Variants in LRBA observed in about 807,000 individuals in gnomAD.
LRBA encodes the protein LPS responsive beige-like anchor protein, also known as lipopolysaccharide-responsive and beige-like anchor protein.
A neutral mutation model predicts 330.0 loss-of-function variants in LRBA; 176 were observed. The ratio of observed to expected loss-of-function variants is 0.53; its 90% CI spans 0.47 to 0.60. LRBA has a LOEUF of 0.60. LRBA is among the 20% of genes least tolerant of loss of function. The pLI is 0.00. For synonymous variants in LRBA, 1,230 were observed against 1,193.0 expected (o/e 1.03, Z -0.64); for missense variants, 3,259 against 3,444.8 (o/e 0.95, Z 1.35).
At position 150,948,297 on chromosome 4, in the gene LRBA, A is replaced by G. The variant is rs551450476; in HGVS notation, c.217-19232T>C. 2.0e-5 allele frequency among the ~76,000 whole-genome samples: 3 copies of G among 152,176 alleles called. No homozygotes were observed. In the South Asian group the frequency reaches 6.2e-4, roughly 32 times the overall value. Reference sequence around the variant, plus strand: ...AGGGGCAGACACATAAATCAATGAGACAGAATAAAGAACCCAGAACTAGAC... The same window carrying G: ...AGGGGCAGACACATAAATCAATGAGGCAGAATAAAGAACCCAGAACTAGAC... On this transcript the variant is annotated intron_variant, in intron 2 of 56. Transcript: ENST00000651943.
intron 35 of LRBA, among the ~76,000 whole-genome samples, chr4:150,746,740 G>A (rs1732786892): frequency 6.6e-6 from 1 of 151,976 alleles, no homozygotes; most frequent in Admixed American, 6.6e-5. Flanking sequence ...TTGATTTCCT[G>A]ACCTTGTGAT....
chr4:150,418,406 T>C (rs1748097010), intron 46 of LRBA, among the ~76,000 whole-genome samples: 1 of 152,142 alleles, frequency 6.6e-6, no homozygotes, highest in South Asian at 2.1e-4. Flanking sequence ...AAACCACCCA[T>C]AAAACAAACA....
At chr4:150,871,071 C>T (rs1037789857) in intron 19 of LRBA, among the ~76,000 whole-genome samples, 5 of 151,966 alleles carry the variant, frequency 3.3e-5, no homozygotes, top group African/African-American at 4.8e-5. Flanking sequence ...CAGCAAAACC[C>T]GTCACTACTA....
Position 150,806,207 on chromosome 4 carries a change from T to C in LRBA, c.5518+64A>G, listed in dbSNP as rs186724918. 2.7e-5 allele frequency: 33 copies of C among 1,216,176 alleles called. No individual in the cohort carries two copies. In the Admixed American group the frequency reaches 4.4e-4, roughly 16 times the overall value. The allele number at this position is 1,216,176 out of a possible 1,614,324, so 75.3% of individuals were successfully genotyped here. On this transcript the variant is annotated intron_variant, in intron 33 of 56. Transcript: ENST00000651943. The stretch of plus-strand genomic sequence containing the variant: ...AATGAAACTCCATGTTATTTCATTA[T>C]CCATGTAAGTTTTTAATCCTGAAAT...
At chr4:150,518,950 C>G (rs1487174900) in intron 40 of LRBA, among the ~76,000 whole-genome samples, 1 of 152,112 alleles carries the variant, frequency 6.6e-6, no homozygotes. Flanking sequence ...ATGCCTATCT[C>G]TGTGACCTCT....
intron 34 of LRBA, among the ~76,000 whole-genome samples, chr4:150,789,050 G>A (rs1263514950): frequency 6.6e-6 from 1 of 152,044 alleles, no homozygotes; most frequent in Middle Eastern, 3.2e-3. Flanking sequence ...CTCTAGCCTG[G>A]GTGACAGAGT....
At chr4:150,463,832 T>C (rs1366806439) in intron 44 of LRBA, among the ~76,000 whole-genome samples, 2 of 151,912 alleles carry the variant, frequency 1.3e-5, no homozygotes, top group Non-Finnish European at 2.9e-5. Flanking sequence ...GCCTACATAA[T>C]AAAAATGTCC....
At chr4:150,731,077 A>G (rs1239796556) in intron 36 of LRBA, among the ~76,000 whole-genome samples, 2 of 152,224 alleles carry the variant, frequency 1.3e-5, no homozygotes. Context: ...AATGCAAATC[A>G]AAAGTACCAT....
At chr4:150,995,614 T>C (rs1742547961) in intron 2 of LRBA, among the ~76,000 whole-genome samples, 1 of 152,014 alleles carries the variant, frequency 6.6e-6, no homozygotes. Context: ...GAGGAGATCA[T>C]TCTAGGCAAA....
intron 23 of LRBA, 75 bp from the exon 24 acceptor site, chr4:150,850,977 T>C: frequency 9.4e-7 from 1 of 1,061,008 alleles, no homozygotes; most frequent in Non-Finnish European, 1.4e-6. Flanking sequence ...AATAATTTAG[T>C]AGCTTCTATG....
chr4:150,650,035 T>C (rs942230202), intron 37 of LRBA, among the ~76,000 whole-genome samples: 11 of 151,910 alleles, frequency 7.2e-5, no homozygotes, highest in African/African-American at 2.4e-4. Flanking sequence ...AGGCACACAC[T>C]TTCTATATGC....
intron 34 of LRBA, among the ~76,000 whole-genome samples, chr4:150,789,463 T>C (rs1490997471): frequency 6.6e-6 from 1 of 152,156 alleles, no homozygotes; most frequent in Non-Finnish European, 1.5e-5. Context: ...TTATACTATG[T>C]CCTATTATGT....
intron 9 of LRBA, among the ~76,000 whole-genome samples, chr4:150,909,617 CT>C: frequency 6.6e-6 from 1 of 152,104 alleles, no homozygotes; most frequent in Non-Finnish European, 1.5e-5. Flanking sequence ...CCTTGTGACC[CT>C]ATTTTTTGTG....
intron 37 of LRBA, among the ~76,000 whole-genome samples, chr4:150,649,540 T>C (rs954710789): frequency 1.3e-5 from 2 of 152,176 alleles, no homozygotes; most frequent in Non-Finnish European, 2.9e-5. Context: ...AAGGATTCCC[T>C]GACCTCATAG....
intron 35 of LRBA, among the ~76,000 whole-genome samples, chr4:150,757,585 A>C (rs529296781): frequency 3.9e-5 from 6 of 152,272 alleles, no homozygotes; most frequent in South Asian, 4.1e-4. Context: ...CATTATTATT[A>C]TTCTTCCTGC....
At chr4:150,850,337 G>C (rs1021799807) in intron 24 of LRBA, among the ~76,000 whole-genome samples, 2 of 151,934 alleles carry the variant, frequency 1.3e-5, no homozygotes, top group Non-Finnish European at 2.9e-5. Flanking sequence ...CTTATGATCC[G>C]CCTGCATCGG....
At chr4:150,295,982 T>C (rs1728931592) in intron 53 of LRBA, among the ~76,000 whole-genome samples, 1 of 152,202 alleles carries the variant, frequency 6.6e-6, no homozygotes, top group African/African-American at 2.4e-5. Context: ...AACATAAACA[T>C]GGTAAAATTC....
chr4:150,947,802 A>G (rs997236400), intron 2 of LRBA, among the ~76,000 whole-genome samples: 5 of 152,120 alleles, frequency 3.3e-5, no homozygotes, highest in African/African-American at 7.2e-5. Context: ...TGAGTTCAGC[A>G]AGGTAACGGG....
chr4:150,424,262 G>C (rs1345342527), intron 46 of LRBA, among the ~76,000 whole-genome samples: 2 of 152,108 alleles, frequency 1.3e-5, no homozygotes, highest in Non-Finnish European at 2.9e-5. Context: ...GTCATCGATA[G>C]GGTCTTGAAA....
Sources: allele counts gnomAD v4.1 joint callset (sites outside exome capture counted in the v4.1 genomes callset), GRCh38; gene constraint gnomAD v4.1.1; transcripts MANE v1.5; gene names NCBI Gene and HGNC (gene_info 2026-07-23, HGNC 2026-07-21).